The following GCH1 variants were observed in gnomAD, a reference collection of about 807,000 sequenced individuals.
GCH1 encodes GTP cyclohydrolase I.
Under a neutral mutation model 25.9 loss-of-function variants are expected in GCH1, and 5 were observed. The observed-to-expected ratio is 0.19, with a 90% CI of 0.10 to 0.41. The LOEUF is 0.41. GCH1 is among the 10% of genes least tolerant of loss of function. The pLI, the probability that GCH1 is intolerant of heterozygous loss-of-function variation, is 1.00. For synonymous variants in GCH1, 159 were observed against 129.6 expected (o/e 1.23, Z -1.54); for missense variants, 261 against 336.5 (o/e 0.78, Z 1.75).
intron 1 of GCH1, among the ~76,000 whole-genome samples, chr14:54,891,708 C>A (rs540198590): frequency 6.6e-6 from 1 of 152,250 alleles, no homozygotes; most frequent in African/African-American, 2.4e-5. Flanking sequence ...TCGCATCCAG[C>A]CAACAATTCA....
At chr14:54,863,829 T>C (rs2140071954) in intron 2 of GCH1, among the ~76,000 whole-genome samples, 1 of 151,932 alleles carries the variant, frequency 6.6e-6, no homozygotes, top group Non-Finnish European at 1.5e-5. Context: ...ACACATATTG[T>C]AGTTGTGGGG....
intron 1 of GCH1, among the ~76,000 whole-genome samples, chr14:54,899,957 A>G (rs1372121579): frequency 6.8e-6 from 1 of 146,350 alleles, no homozygotes; most frequent in East Asian, 2.1e-4. Flanking sequence ...CTCCGCCTCC[A>G]GGGTTCAAAT....
chr14:54,889,381 G>C (rs1047271811), intron 1 of GCH1, among the ~76,000 whole-genome samples: 1 of 152,232 alleles, frequency 6.6e-6, no homozygotes, highest in African/African-American at 2.4e-5. Context: ...ATTTTAGTGA[G>C]AGATTCCTTG....
chr14:54,885,573 T>C, intron 1 of GCH1: 1 of 395,190 alleles, frequency 2.5e-6, no homozygotes, highest in Admixed American at 3.0e-5. Context: ...GATGAATCCC[T>C]GATGTCATCT....
chr14:54,885,243 T>C, intron 1 of GCH1: 1 of 209,972 alleles, frequency 4.8e-6, no homozygotes, highest in Non-Finnish European at 9.9e-6. Flanking sequence ...ACGCCTGCCA[T>C]AGACATGGCT....
At chr14:54,857,971 T>C (rs193069523) in intron 3 of GCH1, among the ~76,000 whole-genome samples, 18 of 152,294 alleles carry the variant, frequency 1.2e-4, no homozygotes, top group South Asian at 4.1e-4. Context: ...CCCTATCTAA[T>C]AGCAAAATAG....
At position 54,902,479 on chromosome 14, in the gene GCH1, T is replaced by C. The variant is rs1162192311; in HGVS notation, c.185A>G (p.Glu62Gly). The C allele has an allele frequency of 2.5e-6, 4 of 1,611,306 alleles. No homozygotes were observed. The change falls in exon 1 of 6, where the codon GAG (glutamate) becomes GGG (glycine). Residue 62 changes from glutamate to glycine, a missense_variant. Glu to Gly is a moderately conservative substitution (Grantham distance 98, BLOSUM62 -2). This residue lies in a region of GCH1 where 125 missense variants were observed against 128.7 expected (regional missense o/e 0.97). Coordinates refer to ENST00000491895, the MANE Select transcript of GCH1 (RefSeq NM_000161.3). ...GTTAGGGAGGTTCAGCTCGTTATCCTCCTCGCTGCGGGGCCGCTCGCCCTT... is the reference window on the plus strand; with the variant it reads ...GTTAGGGAGGTTCAGCTCGTTATCCCCCTCGCTGCGGGGCCGCTCGCCCTT... ...GWKGERPRSEEDNELNLPNLA... is the reference protein window; with the variant it reads ...GWKGERPRSEGDNELNLPNLA...
chr14:54,860,447 C>T (rs979254788), intron 2 of GCH1, among the ~76,000 whole-genome samples: 1 of 152,094 alleles, frequency 6.6e-6, no homozygotes, highest in African/African-American at 2.4e-5. Flanking sequence ...GCCTTAAGAT[C>T]CCACCGCAAA....
chr14:54,896,917 T>TAA (rs2040493257), intron 1 of GCH1, among the ~76,000 whole-genome samples: 1 of 114,928 alleles, frequency 8.7e-6, no homozygotes, highest in African/African-American at 4.0e-5. Flanking sequence ...AGACTTCATC[T>TAA]CAAAAAAAAA....
chr14:54,869,024 C>A (rs2040029917), intron 1 of GCH1, among the ~76,000 whole-genome samples: 1 of 152,024 alleles, frequency 6.6e-6, no homozygotes, highest in South Asian at 2.1e-4. Context: ...CAGGCATGCA[C>A]CACCACCTGG....
chr14:54,847,974 C>G (rs2039668606), intron 3 of GCH1, among the ~76,000 whole-genome samples: 1 of 152,060 alleles, frequency 6.6e-6, no homozygotes, highest in East Asian at 1.9e-4. Context: ...ACTACTATAC[C>G]AACTAAACCT....
chr14:54,879,149 A>G lies in GCH1; in HGVS notation c.344-13713T>C, dbSNP rs142187239. 5.9e-3 allele frequency among the ~76,000 whole-genome samples: 895 copies of G among 152,240 alleles called. 12 individuals carry two copies. The highest frequency in any genetic ancestry group is 0.02 in the African/African-American group (850 of 41,564). On this transcript the variant is annotated intron_variant, in intron 1 of 5. Transcript: ENST00000491895. ...AACATAAGAATTTTCAGCTGGGCAC[A>G]GTGGTTCACGCCTGTAATCCCAGCA... is the stretch of plus-strand genomic sequence containing the variant.
At chr14:54,901,149 T>C (rs1016306620) in intron 1 of GCH1, among the ~76,000 whole-genome samples, 6 of 152,146 alleles carry the variant, frequency 3.9e-5, no homozygotes, top group African/African-American at 1.4e-4. Context: ...AAAATAACTT[T>C]CTTTTTCCCA....
chr14:54,896,605 C>A (rs545785291), intron 1 of GCH1, among the ~76,000 whole-genome samples: 5 of 152,198 alleles, frequency 3.3e-5, no homozygotes, highest in Non-Finnish European at 7.4e-5. Context: ...ACAATTATGC[C>A]TATAAAACCT....
chr14:54,876,515 A>T (rs2040163472), intron 1 of GCH1, among the ~76,000 whole-genome samples: 1 of 151,962 alleles, frequency 6.6e-6, no homozygotes, highest in African/African-American at 2.4e-5. Context: ...ATTATAAAGT[A>T]CTGCATGGTG....
intron 1 of GCH1, among the ~76,000 whole-genome samples, chr14:54,898,153 G>C (rs899116425): frequency 6.6e-6 from 1 of 152,186 alleles, no homozygotes; most frequent in Non-Finnish European, 1.5e-5. Context: ...ACCAAGAGGA[G>C]AGGATCACTT....
intron 1 of GCH1, chr14:54,884,786 ACAACAACAACAAC>A (rs2040324936): frequency 1.4e-5 from 2 of 147,054 alleles, no homozygotes; most frequent in African/African-American, 5.3e-5. Flanking sequence ...AACAACAACA[ACAACAACAACAAC>A]AAAAAAAAAG....
At chr14:54,899,445 C>T (rs1303028082) in intron 1 of GCH1, among the ~76,000 whole-genome samples, 1 of 151,958 alleles carries the variant, frequency 6.6e-6, no homozygotes, top group African/African-American at 2.4e-5. Context: ...GCAGCAGAGC[C>T]AAACCCTGTC....
At chr14:54,901,226 C>A (rs922028187) in intron 1 of GCH1, among the ~76,000 whole-genome samples, 8 of 152,182 alleles carry the variant, frequency 5.3e-5, no homozygotes, top group Admixed American at 2.6e-4. Flanking sequence ...GATTGCCTTT[C>A]CAGCGCACTG....
Sources: gnomAD v4.1 joint callset for allele counts (sites outside exome capture counted in the v4.1 genomes callset) on GRCh38, gnomAD v4.1.1 for gene constraint, gnomAD v4.1.1 regional missense constraint, MANE v1.5 for transcripts, NCBI Gene and HGNC (gene_info 2026-07-23, HGNC 2026-07-21) for gene names.